Variants in KLRD1 observed in about 807,000 individuals in gnomAD.
The protein encoded by KLRD1 is killer cell lectin like receptor D1.
In KLRD1, 21 loss-of-function variants were observed where a neutral mutation model predicts 22.6. The observed-to-expected ratio is 0.93, with a 90% CI of 0.66 to 1.34. The LOEUF (loss-of-function observed/expected upper bound fraction) is 1.34. KLRD1 is among the 40% of genes most tolerant of loss of function. KLRD1 has a pLI of 0.00. For missense variants in KLRD1, 183 were observed against 208.6 expected (o/e 0.88, Z 0.76); for synonymous variants, 59 against 71.1 (o/e 0.83, Z 0.85).
At position 10,287,146 on chromosome 12, in the gene KLRD1, CA is replaced by C. The variant is rs1949714566; in HGVS notation, c.-100-20828del. Among the ~76,000 whole-genome samples, 6 of 147,278 alleles carry C rather than the reference CA, an allele frequency of 4.1e-5. No individual in the cohort carries two copies. The South Asian group carries it at 1.4e-3, about 34-fold the overall frequency. ...GTGAGACTCTGTCTCAAAACAAAAA[CA>C]AAACCCTCTTTTTTTTTATTGTTTA... On this transcript the variant is annotated intron_variant, in intron 1 of 5. Transcript: ENST00000544747.
At chr12:10,261,577 G>T (rs1341200444) in intron 1 of KLRD1, among the ~76,000 whole-genome samples, 1 of 152,046 alleles carries the variant, frequency 6.6e-6, no homozygotes, top group Non-Finnish European at 1.5e-5. Flanking sequence ...AAATCTGCTT[G>T]TATAAGCAGC....
At chr12:10,283,968 G>A (rs1283782297) in intron 1 of KLRD1, among the ~76,000 whole-genome samples, 3 of 148,892 alleles carry the variant, frequency 2.0e-5, no homozygotes, top group Non-Finnish European at 4.4e-5. Flanking sequence ...CTGAGGTCAG[G>A]AGTTCAAGAC....
At chr12:10,271,403 C>T (rs944973530) in intron 1 of KLRD1, among the ~76,000 whole-genome samples, 3 of 152,202 alleles carry the variant, frequency 2.0e-5, no homozygotes, top group Non-Finnish European at 2.9e-5. Flanking sequence ...TGACCATTCT[C>T]ATTTGCTCTT....
At position 10,325,560 on chromosome 12, in the gene KLRD1, T is replaced by G. The variant is rs1403039811; in HGVS notation, c.*10767T>G. 1.3e-5 allele frequency: 2 copies of G among 152,226 alleles called. No individual in the cohort carries two copies. Among genetic ancestry groups the G allele is most frequent in the African/African-American group, 4.8e-5 (2 of 41,456 alleles). The allele number at this position is 152,226 out of a possible 1,614,324, so 9.4% of individuals were successfully genotyped here. On this transcript the variant is annotated 3_prime_UTR_variant, in exon 6 of 6. Transcript: ENST00000336164. ...TCCATTCCTGGCAACCACCATTCTA[T>G]TCTCTGATTTTATAAGCTTGACCAC...
In KLRD1 at chr12:10,318,627, C is replaced by G. The variant is rs565695891; in HGVS notation, c.*3834C>G. The G allele has an allele frequency of 1.3e-5, 2 of 152,054 alleles. No homozygotes were observed. The highest frequency in any genetic ancestry group is 4.8e-5 in the African/African-American group (2 of 41,382). The allele number at this position is 152,054 out of a possible 1,614,324, so 9.4% of individuals were successfully genotyped here. ...TTGGGAGGCTGAGGCGGGTGGATCA[C>G]GAGGTCAGGAGATTGAGACCATCCT... On this transcript the variant is annotated 3_prime_UTR_variant, in exon 6 of 6. Transcript: ENST00000336164.
chr12:10,265,091 A>G (rs1565452898), intron 1 of KLRD1, among the ~76,000 whole-genome samples: 1 of 152,094 alleles, frequency 6.6e-6, no homozygotes, highest in African/African-American at 2.4e-5. Flanking sequence ...AAACACACAC[A>G]CACACATATT....
chr12:10,252,507 AAAACAAAC>A (rs974843312), intron 1 of KLRD1, among the ~76,000 whole-genome samples: 22 of 152,172 alleles, frequency 1.4e-4, no homozygotes, highest in African/African-American at 4.6e-4. Context: ...TTGTCTCCAA[AAAACAAAC>A]AAACAAACAA....
In KLRD1 at chr12:10,323,736, A is replaced by G. The variant is rs1229811521; in HGVS notation, c.*8943A>G. ...ATAGATTTGCCTTTCTATGTTTTAT[A>G]TAGATAGAATCATATAATATGTACA... On this transcript the variant is annotated 3_prime_UTR_variant, in exon 6 of 6. Transcript: ENST00000336164. The G allele has an allele frequency of 6.6e-5, 10 of 152,106 alleles. No individual in the cohort carries two copies. The South Asian group carries it at 1.7e-3, about 25-fold the overall frequency. The allele number at this position is 152,106 out of a possible 1,614,324, so 9.4% of individuals were successfully genotyped here. A position where few individuals can be genotyped will look rare whatever the true frequency, so the allele number is the denominator to read the frequency against.
chr12:10,277,753 A>G (rs1949605062), intron 1 of KLRD1, among the ~76,000 whole-genome samples: 1 of 152,206 alleles, frequency 6.6e-6, no homozygotes. Flanking sequence ...TACTTCAATT[A>G]GTCCCTCTGA....
chr12:10,298,991 T>C (rs1452459781), intron 1 of KLRD1, among the ~76,000 whole-genome samples: 1 of 152,204 alleles, frequency 6.6e-6, no homozygotes, highest in East Asian at 1.9e-4. Flanking sequence ...CTCAGCAGCT[T>C]ACCCTGGTCC....
chr12:10,272,293 CA>C (rs1949557892), intron 1 of KLRD1, among the ~76,000 whole-genome samples: 1 of 151,996 alleles, frequency 6.6e-6, no homozygotes, highest in Non-Finnish European at 1.5e-5. Context: ...TGACATTCAC[CA>C]AAAGTCAATA....
intron 1 of KLRD1, among the ~76,000 whole-genome samples, chr12:10,264,994 C>T (rs1479712442): frequency 6.6e-6 from 1 of 151,948 alleles, no homozygotes; most frequent in African/African-American, 2.4e-5. Context: ...TAACGTCTTC[C>T]AAGTTCATCC....
chr12:10,248,320 A>C (rs1436896631), intron 1 of KLRD1, among the ~76,000 whole-genome samples: 1 of 152,164 alleles, frequency 6.6e-6, no homozygotes, highest in African/African-American at 2.4e-5. Context: ...GCTACAAAGA[A>C]AATCTTGGAG....
intron 1 of KLRD1, among the ~76,000 whole-genome samples, chr12:10,256,760 T>A (rs1452865301): frequency 6.6e-6 from 1 of 152,048 alleles, no homozygotes; most frequent in African/African-American, 2.4e-5. Context: ...TGTTGGGCAT[T>A]ATATTTCGCT....
chr12:10,275,949 TAATC>T (rs1284352372), intron 1 of KLRD1, among the ~76,000 whole-genome samples: 2 of 152,212 alleles, frequency 1.3e-5, no homozygotes, highest in African/African-American at 2.4e-5. Flanking sequence ...CTCCTAGAAT[TAATC>T]ATTCTTCTGA....
intron 1 of KLRD1, among the ~76,000 whole-genome samples, chr12:10,241,306 ATTCTT>A (rs1408863963): frequency 6.6e-6 from 1 of 152,142 alleles, no homozygotes; most frequent in African/African-American, 2.4e-5. Flanking sequence ...GAAGTACTTG[ATTCTT>A]TTCTTTATCA....
intron 1 of KLRD1, among the ~76,000 whole-genome samples, chr12:10,256,431 T>TG (rs1401830269): frequency 3.7e-5 from 3 of 81,612 alleles, no homozygotes; most frequent in African/African-American, 9.0e-5. Context: ...AGCTGTTTTT[T>TG]TTTTTTTTTT....
At position 10,248,585 on chromosome 12, in the gene KLRD1, C is replaced by CCTT. The variant is rs1197257988; in HGVS notation, c.-101+22353_-101+22354insTTC. 1.3e-4 allele frequency among the ~76,000 whole-genome samples: 14 copies of CCTT among 109,984 alleles called. No homozygotes were observed. In the South Asian group the frequency reaches 2.2e-3, roughly 18 times the overall value. The allele number at this position is 109,984 out of a possible 152,430, so 72.2% of individuals were successfully genotyped here. A position where few individuals can be genotyped will look rare whatever the true frequency, so the allele number is the denominator to read the frequency against. On this transcript the variant is annotated intron_variant, in intron 1 of 5. Coordinates refer to the KLRD1 transcript ENST00000544747. ...TCCTTCCTTCCTTCCTTCCTTCCTT[C>CCTT]CCTTCTTTTCTTCTTTTCTTTCTTT...
At chr12:10,251,804 G>A (rs930310382) in intron 1 of KLRD1, among the ~76,000 whole-genome samples, 3 of 152,054 alleles carry the variant, frequency 2.0e-5, no homozygotes, top group Non-Finnish European at 4.4e-5. Context: ...CAGGGTTTGT[G>A]CTCCTATGAG....
Sources: allele counts gnomAD v4.1 joint callset (sites outside exome capture counted in the v4.1 genomes callset), GRCh38; gene constraint gnomAD v4.1.1; transcripts MANE v1.5; gene names NCBI Gene and HGNC (gene_info 2026-07-23, HGNC 2026-07-21).